The following KATNIP variants were observed in gnomAD, a reference collection of about 807,000 sequenced individuals.
KATNIP encodes the protein katanin-interacting protein.
KATNIP carries 126 observed loss-of-function variants against 174.0 expected under a neutral mutation model. The observed-to-expected ratio is 0.72, with a 90% CI of 0.63 to 0.84. The LOEUF is 0.84. Ranked by LOEUF, KATNIP falls within the 40% of genes least tolerant of loss-of-function variation. KATNIP has a pLI of 0.00. For missense variants in KATNIP, 1,958 were observed against 2,109.7 expected, an observed-to-expected ratio of 0.93 and a Z score of 1.41; for synonymous variants, 810 against 835.7, an observed-to-expected ratio of 0.97 and a Z score of 0.53.
At chr16:27,639,176 A>T (rs1296350026) in intron 5 of KATNIP, among the ~76,000 whole-genome samples, 1 of 151,702 alleles carries the variant, frequency 6.6e-6, no homozygotes, top group Non-Finnish European at 1.5e-5. Flanking sequence ...AGTCATCCCA[A>T]CTCTGGCTCC....
intron 8 of KATNIP, among the ~76,000 whole-genome samples, chr16:27,683,149 C>CT (rs2078407487): frequency 1.3e-5 from 2 of 152,330 alleles, no homozygotes; most frequent in South Asian, 4.2e-4. Context: ...GCAAAGGAGA[C>CT]TGAGGCAACC....
At position 27,771,258 on chromosome 16, in the gene KATNIP, C is replaced by A. The variant is rs775883098; in HGVS notation, c.4134-330C>A. 5.9e-5 allele frequency among the ~76,000 whole-genome samples: 9 copies of A among 152,216 alleles called. No homozygotes were observed. The East Asian group carries it at 1.7e-3, about 29-fold the overall frequency. On this transcript the variant is annotated intron_variant, in intron 21 of 27. Coordinates refer to ENST00000261588, the MANE Select transcript of KATNIP (RefSeq NM_015202.5). ...AGCTGCATGGCCTTGAGCAAGTGACCTCACTTCTCCGTGTTCCAGTTTCCT... is the reference window on the plus strand; with the variant it reads ...AGCTGCATGGCCTTGAGCAAGTGACATCACTTCTCCGTGTTCCAGTTTCCT...
At chr16:27,660,112 G>A (rs924115667) in intron 6 of KATNIP, 11 of 626,228 alleles carry the variant, frequency 1.8e-5, no homozygotes, top group Non-Finnish European at 2.2e-5. Flanking sequence ...TAAACATTCT[G>A]GGGCCTTGGC....
chr16:27,652,023 G>C (rs1032952064), intron 6 of KATNIP, among the ~76,000 whole-genome samples: 30 of 152,086 alleles, frequency 2.0e-4, no homozygotes, highest in Non-Finnish European at 1.8e-4. Flanking sequence ...CCCAGGCAAG[G>C]GTTCCACATT....
intron 2 of KATNIP, among the ~76,000 whole-genome samples, chr16:27,576,999 G>C (rs1311977026): frequency 6.6e-6 from 1 of 152,118 alleles, no homozygotes; most frequent in Non-Finnish European, 1.5e-5. Flanking sequence ...TTGGGATCGG[G>C]TACTTCTTTG....
intron 4 of KATNIP, among the ~76,000 whole-genome samples, chr16:27,629,794 G>A (rs1350331523): frequency 2.6e-5 from 4 of 152,166 alleles, no homozygotes; most frequent in Non-Finnish European, 5.9e-5. Context: ...TGGGCAGATC[G>A]TTTGAGCTCA....
intron 6 of KATNIP, among the ~76,000 whole-genome samples, chr16:27,650,573 A>C (rs144562910): frequency 6.6e-6 from 1 of 152,284 alleles, no homozygotes; most frequent in African/African-American, 2.4e-5. Context: ...GCAAAGGCAG[A>C]GTCTTGCTTC....
chr16:27,644,956 A>G (rs2076915338), intron 5 of KATNIP, among the ~76,000 whole-genome samples: 1 of 152,172 alleles, frequency 6.6e-6, no homozygotes, highest in Non-Finnish European at 1.5e-5. Context: ...TCATGCTCAG[A>G]TTTGTGCATG....
chr16:27,692,686 C>T (rs1284931667), intron 8 of KATNIP, among the ~76,000 whole-genome samples: 1 of 152,202 alleles, frequency 6.6e-6, no homozygotes, highest in East Asian at 1.9e-4. Context: ...CCAGATGGTA[C>T]ATCTCAAATG....
chr16:27,726,330 C>T (rs187436963), intron 14 of KATNIP, among the ~76,000 whole-genome samples: 15 of 152,286 alleles, frequency 9.8e-5, no homozygotes, highest in African/African-American at 2.9e-4. Context: ...TGTAGGCCAC[C>T]GCTGCTTGCT....
intron 1 of KATNIP, among the ~76,000 whole-genome samples, chr16:27,562,641 A>G (rs2089928709): frequency 6.6e-6 from 1 of 152,200 alleles, no homozygotes; most frequent in Non-Finnish European, 1.5e-5. Context: ...GGGAACTGGA[A>G]TGGCTGGATG....
intron 6 of KATNIP, among the ~76,000 whole-genome samples, chr16:27,649,006 T>C (rs2077045673): frequency 6.6e-6 from 1 of 152,108 alleles, no homozygotes; most frequent in Non-Finnish European, 1.5e-5. Context: ...AGGGAGAGAA[T>C]GCAGAGAGGT....
chr16:27,725,262 G>A (rs2080398820), intron 14 of KATNIP, among the ~76,000 whole-genome samples: 1 of 152,216 alleles, frequency 6.6e-6, no homozygotes, highest in Non-Finnish European at 1.5e-5. Flanking sequence ...CTATGAGGCA[G>A]GTGGTGGTAT....
intron 8 of KATNIP, among the ~76,000 whole-genome samples, chr16:27,688,624 C>A (rs1327405563): frequency 6.6e-6 from 1 of 152,160 alleles, no homozygotes; most frequent in Non-Finnish European, 1.5e-5. Context: ...GATTATTGGG[C>A]CCCAATCCCA....
chr16:27,721,781 C>A, intron 14 of KATNIP, 86 bp downstream of exon 14: 1 of 1,476,628 alleles, frequency 6.8e-7, no homozygotes, highest in Non-Finnish European at 9.2e-7. Flanking sequence ...CCTAAAGTTG[C>A]AAAATGGATA....
At chr16:27,663,675 T>C (rs1164540941) in intron 6 of KATNIP, among the ~76,000 whole-genome samples, 1 of 151,348 alleles carries the variant, frequency 6.6e-6, no homozygotes, top group Non-Finnish European at 1.5e-5. Flanking sequence ...GCCAGGCTGC[T>C]CTCGAATTCC....
chr16:27,734,149 C>T (rs1267006614), intron 14 of KATNIP, among the ~76,000 whole-genome samples: 1 of 151,858 alleles, frequency 6.6e-6, no homozygotes, highest in African/African-American at 2.4e-5. Context: ...GTGGCACAAT[C>T]TCGGCTCACT....
intron 12 of KATNIP, among the ~76,000 whole-genome samples, chr16:27,708,024 C>CT (rs34070705): frequency 0.22 from 30,607 of 140,520 alleles, 3,718 homozygotes; most frequent in African/African-American, 0.34. Context: ...AGCCCGTAAC[C>CT]TTTTTTTTTT....
intron 1 of KATNIP, among the ~76,000 whole-genome samples, chr16:27,569,333 T>A (rs1033033085): frequency 1.3e-5 from 2 of 152,248 alleles, no homozygotes; most frequent in Non-Finnish European, 2.9e-5. Flanking sequence ...TATGTGCAGA[T>A]AAAACCTTGC....
Sources: gnomAD v4.1 joint callset for allele counts (sites outside exome capture counted in the v4.1 genomes callset) on GRCh38, gnomAD v4.1.1 for gene constraint, MANE v1.5 for transcripts, NCBI Gene and HGNC (gene_info 2026-07-23, HGNC 2026-07-21) for gene names.